Variants in VGLL3 observed in about 807,000 individuals in gnomAD.
VGLL3 encodes vestigial like family member 3.
In VGLL3, 18 loss-of-function variants were observed where a neutral mutation model predicts 29.2. The ratio of observed to expected loss-of-function variants is 0.62; its 90% CI spans 0.43 to 0.91. VGLL3 has a LOEUF of 0.91. Ranked by LOEUF, VGLL3 falls within the 40% of genes least tolerant of loss-of-function variation. The probability of loss-of-function intolerance (pLI) is 0.00; values close to 1 mark genes in which losing one functional copy is unlikely to be tolerated. For missense variants in VGLL3, 440 were observed against 413.2 expected, an observed-to-expected ratio of 1.06 and a Z score of -0.56; for synonymous variants, 180 against 151.8, an observed-to-expected ratio of 1.19 and a Z score of -1.36.
At chr3:86,968,402 T>G (rs1705009028) in intron 3 of VGLL3, among the ~76,000 whole-genome samples, 188 bp downstream of exon 3, 1 of 152,156 alleles carries the variant, frequency 6.6e-6, no homozygotes, top group Non-Finnish European at 1.5e-5. Context: ...TTTCTCAGGC[T>G]GGATTTCATG....
intron 1 of VGLL3, among the ~76,000 whole-genome samples, chr3:86,982,267 C>T (rs1179007977): frequency 6.6e-6 from 1 of 152,120 alleles, no homozygotes; most frequent in Non-Finnish European, 1.5e-5. Flanking sequence ...GCCTCAGCCT[C>T]CCTAGAAGCT....
intron 3 of VGLL3, among the ~76,000 whole-genome samples, chr3:86,947,864 G>A (rs1003817582): frequency 6.6e-6 from 1 of 151,906 alleles, no homozygotes; most frequent in Non-Finnish European, 1.5e-5. Flanking sequence ...TTTTATCTGT[G>A]TCTAATACAG....
chr3:86,979,295 A>G (rs1705275582), intron 1 of VGLL3, among the ~76,000 whole-genome samples: 1 of 152,184 alleles, frequency 6.6e-6, no homozygotes, highest in African/African-American at 2.4e-5. Context: ...TAAAAACAGG[A>G]ATGTAGCATC....
At chr3:86,977,978 G>A (rs1207969537) in intron 2 of VGLL3, among the ~76,000 whole-genome samples, 3 of 152,140 alleles carry the variant, frequency 2.0e-5, no homozygotes, top group African/African-American at 7.2e-5. Context: ...CTTTATCAAG[G>A]TAAAAACACT....
At position 86,979,903 on chromosome 3, in the gene VGLL3, ATTGT is replaced by A. The variant is rs541563523; in HGVS notation, c.127-1105_127-1102del. Reference sequence around the variant, plus strand: ...AAAAAATTACAAAAATGTATTTTGTATTGTTTTTCTGTGTAATACGTTTATAGTT... The same window carrying A: ...AAAAAATTACAAAAATGTATTTTGTATTTTCTGTGTAATACGTTTATAGTT... On this transcript the variant is annotated intron_variant, in intron 1 of 3. Coordinates refer to ENST00000398399, the MANE Select transcript of VGLL3 (RefSeq NM_016206.4). 4.4e-3 allele frequency among the ~76,000 whole-genome samples: 671 copies of A among 152,214 alleles called. 3 individuals are homozygous for A. The highest frequency in any genetic ancestry group is 6.6e-3 in the Non-Finnish European group (452 of 67,976).
In VGLL3 at chr3:86,990,630, T is replaced by C. The variant is rs200626152; in HGVS notation, c.114A>G (p.Gln38=). Residue 38 remains glutamine (Q), a synonymous_variant, in exon 1 of 4, where the codon CAA becomes CAG. Coordinates refer to ENST00000398399, the MANE Select transcript of VGLL3 (RefSeq NM_016206.4). ...CPTAYYQPAP[Q]PGQQKKLAVF... ...TCCGGTGACTCACCTGCTGGCCAGG[T>C]TGGGGCGCCGGCTGATAGTAGGCTG... The C allele has an allele frequency of 2.1e-4, 293 of 1,363,324 alleles. 2 individuals carry two copies. The East Asian group carries it at 6.1e-3, about 28-fold the overall frequency. 84.5% of individuals were successfully genotyped at this position (1,363,324 alleles called of 1,614,324 possible).
chr3:86,956,126 C>T (rs375752232), intron 3 of VGLL3, among the ~76,000 whole-genome samples: 25 of 152,200 alleles, frequency 1.6e-4, no homozygotes, highest in African/African-American at 5.5e-4. Flanking sequence ...GCAGACTGTT[C>T]GAAAACGGAT....
Position 86,943,481 on chromosome 3 carries a change from C to T in VGLL3, c.*3543G>A, listed in dbSNP as rs1220140936. 1 of 151,860 alleles carries T rather than the reference C, an allele frequency of 6.6e-6. No individual in the cohort carries two copies. Among genetic ancestry groups the T allele is most frequent in the Non-Finnish European group, 1.5e-5 (1 of 67,982 alleles). The allele number at this position is 151,860 out of a possible 1,614,324, so 9.4% of individuals were successfully genotyped here. A position where few individuals can be genotyped will look rare whatever the true frequency, so the allele number is the denominator to read the frequency against. ...TGAATAACAAGCTTCTCAAAGGCAA[C>T]TTTCATGTCAGTGCTTAGAATTTGG... On this transcript the variant is annotated 3_prime_UTR_variant, in exon 4 of 4. Coordinates refer to ENST00000398399, the MANE Select transcript of VGLL3 (RefSeq NM_016206.4).
At chr3:86,967,725 A>G (rs1383446403) in intron 3 of VGLL3, among the ~76,000 whole-genome samples, 1 of 152,232 alleles carries the variant, frequency 6.6e-6, no homozygotes, top group Non-Finnish European at 1.5e-5. Flanking sequence ...CTCCAGGGAT[A>G]CAATGATCAA....
chr3:86,973,406 C>T (rs745599629), intron 2 of VGLL3, among the ~76,000 whole-genome samples: 5 of 152,124 alleles, frequency 3.3e-5, no homozygotes, highest in Non-Finnish European at 7.4e-5. Flanking sequence ...ATTTCATTGC[C>T]ATTCTCTTGT....
Position 86,945,567 on chromosome 3 carries a change from C to G in VGLL3, c.*1457G>C, listed in dbSNP as rs1704490534. The G allele has an allele frequency of 6.6e-6, 1 of 152,116 alleles. No individual in the cohort carries two copies. Among genetic ancestry groups the G allele is most frequent in the African/African-American group, 2.4e-5 (1 of 41,440 alleles). The allele number at this position is 152,116 out of a possible 1,614,324, so 9.4% of individuals were successfully genotyped here. ...AGTCCAGCAGTATCAATAACTGTTA[C>G]TTTCATAATCTTAATCTTCTCCTAG... is the stretch of plus-strand genomic sequence containing the variant. On this transcript the variant is annotated 3_prime_UTR_variant, in exon 4 of 4. Transcript: ENST00000398399.
At chr3:86,957,815 CCTCT>C (rs138555682) in intron 3 of VGLL3, among the ~76,000 whole-genome samples, 1 of 151,228 alleles carries the variant, frequency 6.6e-6, no homozygotes, top group Non-Finnish European at 1.5e-5. Context: ...TCCCTGTCTG[CCTCT>C]CTCTCTCTTT....
At chr3:86,963,047 A>G (rs532204072) in intron 3 of VGLL3, 25 of 218,692 alleles carry the variant, frequency 1.1e-4, no homozygotes, top group South Asian at 1.1e-3. Flanking sequence ...GTGAGTCAAG[A>G]TCTCGCCATT....
At chr3:86,984,927 T>A (rs905136839) in intron 1 of VGLL3, among the ~76,000 whole-genome samples, 6 of 152,142 alleles carry the variant, frequency 3.9e-5, no homozygotes, top group African/African-American at 1.4e-4. Context: ...AAAGATAACA[T>A]AGGTTAATTA....
intron 1 of VGLL3, among the ~76,000 whole-genome samples, chr3:86,986,622 T>C (rs1238692758): frequency 6.6e-6 from 1 of 152,150 alleles, no homozygotes; most frequent in Non-Finnish European, 1.5e-5. Context: ...GCAAGAAAAA[T>C]AGATCCTCTG....
chr3:86,965,282 CACCTGG>C (rs1282877775), intron 3 of VGLL3, among the ~76,000 whole-genome samples: 1 of 152,098 alleles, frequency 6.6e-6, no homozygotes, highest in Admixed American at 6.5e-5. Flanking sequence ...TGGTCCCGGT[CACCTGG>C]ACTTTGAGAA....
Position 86,953,688 on chromosome 3 carries a change from G to A in VGLL3, c.938-6621C>T, listed in dbSNP as rs894117284. On this transcript the variant is annotated intron_variant, in intron 3 of 3. Coordinates refer to ENST00000398399, the MANE Select transcript of VGLL3 (RefSeq NM_016206.4). ...CTGTTAGTGAGGCTGGATATTGTCC[G>A]ATTATGGCATTTATTCCTCTGTGTT... Among the ~76,000 whole-genome samples, 16 of 152,122 alleles carry A rather than the reference G, an allele frequency of 1.1e-4. No homozygotes were observed. The East Asian group carries it at 1.9e-3, about 18-fold the overall frequency.
chr3:86,965,198 T>TA (rs1704933621), intron 3 of VGLL3, among the ~76,000 whole-genome samples: 1 of 152,184 alleles, frequency 6.6e-6, no homozygotes, highest in East Asian at 1.9e-4. Flanking sequence ...TTCATGTTTT[T>TA]ACCAACTTCT....
At chr3:86,989,176 T>A (rs1056718309) in intron 1 of VGLL3, among the ~76,000 whole-genome samples, 2 of 152,182 alleles carry the variant, frequency 1.3e-5, no homozygotes, top group African/African-American at 4.8e-5. Context: ...CTTCTACTAG[T>A]TTGTTATTTT....
Sources: gnomAD v4.1 joint callset for allele counts (sites outside exome capture counted in the v4.1 genomes callset) on GRCh38, gnomAD v4.1.1 for gene constraint, MANE v1.5 for transcripts, NCBI Gene and HGNC (gene_info 2026-07-23, HGNC 2026-07-21) for gene names.